The following SF3B3 variants were observed in gnomAD, a reference collection of about 807,000 sequenced individuals.
The protein encoded by SF3B3 is splicing factor 3b subunit 3.
In SF3B3, 33 loss-of-function variants were observed where a neutral mutation model predicts 139.2. The observed-to-expected ratio is 0.24, with a 90% CI of 0.18 to 0.32. The LOEUF (loss-of-function observed/expected upper bound fraction) is 0.32, where lower values mean the gene tolerates loss of function less well. Ranked by LOEUF, SF3B3 falls within the 10% of genes least tolerant of loss-of-function variation. The probability of loss-of-function intolerance (pLI) is 1.00; values close to 1 mark genes in which losing one functional copy is unlikely to be tolerated. For synonymous variants in SF3B3, 596 were observed against 563.6 expected, an observed-to-expected ratio of 1.06 and a Z score of -0.81; for missense variants, 818 against 1,509.4, an observed-to-expected ratio of 0.54 and a Z score of 7.59.
intron 2 of SF3B3, chr16:70,527,052 T>C: frequency 3.4e-6 from 1 of 293,182 alleles, no homozygotes; most frequent in Non-Finnish European, 6.3e-6. Flanking sequence ...TGACATCAGG[T>C]TGGGTAAAAA....
chr16:70,557,655 GTTATTTTT>G (rs1167819101), intron 15 of SF3B3, among the ~76,000 whole-genome samples: 1 of 152,070 alleles, frequency 6.6e-6, no homozygotes, highest in Non-Finnish European at 1.5e-5. Flanking sequence ...GAGGGTTGTT[GTTATTTTT>G]TTAGTTTTTT....
rs773818663 is a variant in SF3B3 at position 70,563,978 on chromosome 16, T to G, written c.2391T>G (p.Leu797=). The G allele has an allele frequency of 1.2e-6, 2 of 1,614,128 alleles. No individual in the cohort carries two copies. Among genetic ancestry groups the G allele is most frequent in the South Asian group, 1.1e-5 (1 of 91,080 alleles). The part of the protein sequence containing the change: ...KFVIHPESNN[L]IIIETDHNAY... ...TCATCCACCCTGAGAGTAACAACCT[T>G]ATTATCATTGAAACGGACCACAATG... The change falls in exon 18 of 26, where the codon CTT becomes CTG. Residue 797 remains leucine (L), a synonymous_variant. Coordinates refer to ENST00000302516, the MANE Select transcript of SF3B3 (RefSeq NM_012426.5).
At position 70,523,904 on chromosome 16, in the gene SF3B3, T is replaced by G. The variant is rs1182461442; in HGVS notation, c.-95T>G. ...GAAGGGAGGTAGCATCCGTTGGATA[T>G]CCACACCATCCTTCTCGCTGCAGGG... On this transcript the variant is annotated 5_prime_UTR_variant, in exon 1 of 26. Transcript: ENST00000302516. 2.1e-6 allele frequency: 1 copy of G among 473,458 alleles called. No individual in the cohort carries two copies. The highest frequency in any genetic ancestry group is 3.3e-5 in the East Asian group (1 of 30,284). 29.3% of individuals were successfully genotyped at this position (473,458 alleles called of 1,614,324 possible).
Position 70,561,137 on chromosome 16 carries a change from C to T in SF3B3, c.2134-493C>T, listed in dbSNP as rs145579237. Among the ~76,000 whole-genome samples, 15 of 152,280 alleles carry T rather than the reference C, an allele frequency of 9.9e-5. No homozygotes were observed. In the East Asian group the frequency reaches 2.9e-3, roughly 29 times the overall value. ...CTGGGTTCAACCAATTGTCTTTCCT[C>T]AGCCTCCCGATTAGCTGGGATTACA... On this transcript the variant is annotated intron_variant, in intron 16 of 25. Transcript: ENST00000302516.
At chr16:70,557,175 T>C in intron 15 of SF3B3, 146 bp downstream of exon 15, 1 of 794,054 alleles carries the variant, frequency 1.3e-6, no homozygotes, top group Non-Finnish European at 1.9e-6. Context: ...GGGTTCCACT[T>C]TTCTCAGCTC....
At position 70,560,540 on chromosome 16, in the gene SF3B3, G is replaced by C. The variant is rs756681560; in HGVS notation, c.2082G>C (p.Leu694=). The change falls in exon 16 of 26, where the codon CTG becomes CTC. Residue 694 remains leucine, a synonymous_variant. Transcript: ENST00000302516. ...GDLSDTRTRY[L]GSRPVKLFRV... ...TGTCTGATACTCGCACTCGGTACCT[G>C]GGGTCCCGTCCTGTGAAGCTCTTCC... The C allele has an allele frequency of 6.2e-6, 10 of 1,613,742 alleles. No homozygotes were observed. Among genetic ancestry groups the C allele is most frequent in the Non-Finnish European group, 8.5e-6 (10 of 1,179,820 alleles).
At position 70,570,028 on chromosome 16, in the gene SF3B3, A is replaced by G; in HGVS notation, c.3287A>G (p.His1096Arg). Reference sequence around the variant, plus strand: ...CAGGCAGAGGTGATCATGAACTACCATGTCGGGGAGACGGTGCTGTCCTTG... The same window carrying G: ...CAGGCAGAGGTGATCATGAACTACCGTGTCGGGGAGACGGTGCTGTCCTTG... ...SQKAEVIMNY[H>R]VGETVLSLQK... The change falls in exon 24 of 26, where the codon CAT becomes CGT. Residue 1096 changes from histidine (H) to arginine (R), a missense_variant. Coordinates refer to ENST00000302516, the MANE Select transcript of SF3B3 (RefSeq NM_012426.5). 1 of 1,614,124 alleles carries G rather than the reference A, an allele frequency of 6.2e-7. No homozygotes were observed. The highest frequency in any genetic ancestry group is 1.7e-5 in the Admixed American group (1 of 60,018).
intron 25 of SF3B3, 123 bp downstream of exon 25, chr16:70,571,322 G>T (rs967459025): frequency 1.5e-6 from 1 of 678,550 alleles, no homozygotes; most frequent in African/African-American, 1.8e-5. Flanking sequence ...CAGAGCAAAG[G>T]CTTCACCTGC....
intron 23 of SF3B3, among the ~76,000 whole-genome samples, 200 bp downstream of exon 23, chr16:70,569,341 C>T (rs551326857): frequency 6.6e-6 from 1 of 152,308 alleles, no homozygotes; most frequent in Non-Finnish European, 1.5e-5. Context: ...CATTCCCAGT[C>T]CTCTGCTCTG....
chr16:70,528,863 G>C lies in SF3B3; in HGVS notation c.71-10G>C, dbSNP rs2050093144. On this transcript the variant is annotated splice_polypyrimidine_tract_variant and intron_variant, in intron 2 of 25. Coordinates refer to ENST00000302516, the MANE Select transcript of SF3B3 (RefSeq NM_012426.5). ...TGGTTGTTTATGATCTTTATTTTTT[G>C]GTGATCTAGGAACCAAACAACAAGA... 6.3e-7 allele frequency: 1 copy of C among 1,586,770 alleles called. No homozygotes were observed.
intron 15 of SF3B3, 73 bp downstream of exon 15, chr16:70,557,102 C>T (rs2050386006): frequency 1.4e-6 from 2 of 1,450,518 alleles, no homozygotes; most frequent in South Asian, 2.8e-5. Flanking sequence ...TGTTTGATAA[C>T]AGGGATTTTC....
rs2050573945 is a variant in SF3B3 at position 70,575,725 on chromosome 16, G to C, written c.*3912G>C. The C allele has an allele frequency of 6.6e-6, 1 of 152,284 alleles. No homozygotes were observed. Among genetic ancestry groups the C allele is most frequent in the African/African-American group, 2.4e-5 (1 of 41,464 alleles). The allele number at this position is 152,284 out of a possible 1,614,324, so 9.4% of individuals were successfully genotyped here. A position where few individuals can be genotyped will look rare whatever the true frequency, so the allele number is the denominator to read the frequency against. On this transcript the variant is annotated 3_prime_UTR_variant, in exon 26 of 26. Coordinates refer to ENST00000302516, the MANE Select transcript of SF3B3 (RefSeq NM_012426.5). The stretch of plus-strand genomic sequence containing the variant: ...CCTGCCACCAGTTTCAGAAGAGCCT[G>C]CAGCCTGCATCTGATTTCCTCAGCC...
chr16:70,547,617 G>A (rs1446211376), intron 10 of SF3B3, among the ~76,000 whole-genome samples: 3 of 151,888 alleles, frequency 2.0e-5, no homozygotes, highest in South Asian at 2.1e-4. Flanking sequence ...TTTTGGAGAC[G>A]GAGTCTCGCT....
At chr16:70,529,464 T>G (rs1453630077) in intron 3 of SF3B3, 4 of 490,876 alleles carry the variant, frequency 8.1e-6, no homozygotes, top group Non-Finnish European at 1.5e-5. Flanking sequence ...AAGACTACAA[T>G]GAAATGATCT....
chr16:70,529,557 T>TGAA (rs2050101084), intron 3 of SF3B3: 1 of 232,732 alleles, frequency 4.3e-6, no homozygotes, highest in South Asian at 7.1e-5. Context: ...GATAAATTCT[T>TGAA]GAAGAAAATT....
At chr16:70,538,153 A>G (rs2050186396) in intron 6 of SF3B3, 170 bp from the exon 7 acceptor site, 1 of 743,776 alleles carries the variant, frequency 1.3e-6, no homozygotes. Context: ...TATTTATATT[A>G]GAATTTTGAG....
Position 70,528,903 on chromosome 16 carries a change from G to A in SF3B3, c.101G>A (p.Arg34His). The change falls in exon 3 of 26, where the codon CGT (arginine) becomes CAT (histidine). Residue 34 changes from arginine to histidine, a missense_variant. Arg to His is a conservative substitution (Grantham distance 29). Transcript: ENST00000302516. Reference sequence around the variant, plus strand: ...AAACAACAAGAAATTGTTGTTTCCCGTGGGAAGATCTTGGAGCTGCTTCGC... The same window carrying A: ...AAACAACAAGAAATTGTTGTTTCCCATGGGAAGATCTTGGAGCTGCTTCGC... ...GTKQQEIVVS[R>H]GKILELLRPD... 1 of 1,612,216 alleles carries A rather than the reference G, an allele frequency of 6.2e-7. No homozygotes were observed. The highest frequency in any genetic ancestry group is 8.5e-7 in the Non-Finnish European group (1 of 1,178,514).
chr16:70,534,488 C>G (rs1316431275), intron 5 of SF3B3, among the ~76,000 whole-genome samples: 3 of 151,886 alleles, frequency 2.0e-5, no homozygotes, highest in Admixed American at 6.6e-5. Context: ...CTGGTAGCTG[C>G]TAAGGAGGTA....
At chr16:70,530,051 G>A (rs2050105178) in intron 3 of SF3B3, among the ~76,000 whole-genome samples, 1 of 150,980 alleles carries the variant, frequency 6.6e-6, no homozygotes, top group South Asian at 2.1e-4. Flanking sequence ...GCTTGAACCC[G>A]GGAGGCAAAG....
Sources: allele counts gnomAD v4.1 joint callset (sites outside exome capture counted in the v4.1 genomes callset), GRCh38; gene constraint gnomAD v4.1.1; transcripts MANE v1.5; gene names NCBI Gene and HGNC (gene_info 2026-07-23, HGNC 2026-07-21).